The following LIG3 variants were observed in gnomAD, a reference collection of about 807,000 sequenced individuals.
LIG3 encodes DNA ligase 3, also known as ligase II, DNA, ATP-dependent.
LIG3 carries 58 observed loss-of-function variants against 110.9 expected under a neutral mutation model. That is an observed-to-expected ratio of 0.52 (90% CI 0.42 to 0.65). The LOEUF is 0.65. LIG3 is among the 30% of genes least tolerant of loss of function. LIG3 has a pLI of 0.00. For missense variants in LIG3, 1,094 were observed against 1,273.8 expected (o/e 0.86, Z 2.15); for synonymous variants, 422 against 472.8 (o/e 0.89, Z 1.39).
chr17:35,005,096 T>TCC lies in LIG3; in HGVS notation c.*593_*594dup. On this transcript the variant is annotated 3_prime_UTR_variant, in exon 20 of 20. Coordinates refer to ENST00000378526, the MANE Select transcript of LIG3 (RefSeq NM_013975.4). ...GTGTTCTCCTATTACATGGTGAGGA[T>TCC]CCCCAGTTTGAAGGGAGGGGACTAG... 5.9e-6 allele frequency: 2 copies of TCC among 339,546 alleles called. No homozygotes were observed. The highest frequency in any genetic ancestry group is 1.5e-4 in the East Asian group (2 of 13,512). The allele number at this position is 339,546 out of a possible 1,614,324, so 21.0% of individuals were successfully genotyped here.
Position 34,983,037 on chromosome 17 carries a change from A to G in LIG3, c.32A>G (p.Gln11Arg). The G allele has an allele frequency of 6.3e-7, 1 of 1,599,562 alleles. No homozygotes were observed. The highest frequency in any genetic ancestry group is 8.5e-7 in the Non-Finnish European group (1 of 1,172,736). Reference sequence around the variant, plus strand: ...TTGGCTTTCAAGATCTTCTTTCCACAAACCCTCCGTGCACTCAGCCGAAAA... The same window carrying G: ...TTGGCTTTCAAGATCTTCTTTCCACGAACCCTCCGTGCACTCAGCCGAAAA... MSLAFKIFFP[Q>R]TLRALSRKEL... Residue 11 changes from glutamine (Q) to arginine (R), a missense_variant, in exon 2 of 20, where the codon CAA becomes CGA. By Grantham distance (43) the Gln-to-Arg change is conservative. Coordinates refer to ENST00000378526, the MANE Select transcript of LIG3 (RefSeq NM_013975.4).
intron 19 of LIG3, 79 bp from the exon 20 acceptor site, chr17:35,004,194 T>C (rs1442928488): frequency 1.3e-5 from 13 of 1,026,798 alleles, no homozygotes; most frequent in Non-Finnish European, 1.6e-5. Flanking sequence ...TCCCTCATTC[T>C]GTCCCGTGCT....
chr17:34,990,836 A>C (rs1037149820), intron 4 of LIG3, 127 bp from the exon 5 acceptor site: 5 of 800,022 alleles, frequency 6.2e-6, no homozygotes, highest in Non-Finnish European at 9.8e-6. Flanking sequence ...AGCTTAAGCA[A>C]TTCTCCTGCT....
intron 3 of LIG3, among the ~76,000 whole-genome samples, chr17:34,987,225 A>G (rs2090665869): frequency 6.6e-6 from 1 of 152,248 alleles, no homozygotes; most frequent in African/African-American, 2.4e-5. Context: ...ATAGGAGTTG[A>G]GAAGATCAGG....
At chr17:35,000,608 CTTTTTTTTTT>C (rs57663136) in intron 16 of LIG3, among the ~76,000 whole-genome samples, 2 of 80,420 alleles carry the variant, frequency 2.5e-5, no homozygotes, top group East Asian at 3.5e-4. Flanking sequence ...TTGGGAGATA[CTTTTTTTTTT>C]TTTTTTTTTT....
At chr17:34,992,451 AG>A in intron 7 of LIG3, 72 bp from the exon 8 acceptor site, 1 of 1,431,388 alleles carries the variant, frequency 7.0e-7, no homozygotes, top group Non-Finnish European at 9.5e-7. Context: ...CTGTGAGGAC[AG>A]ATTGCTGTCC....
At chr17:34,984,905 G>A (rs2090640004) in intron 2 of LIG3, among the ~76,000 whole-genome samples, 1 of 151,998 alleles carries the variant, frequency 6.6e-6, no homozygotes, top group Admixed American at 6.6e-5. Flanking sequence ...AGCCTCCCAA[G>A]TAGCTGGGAC....
intron 11 of LIG3, 32 bp from the exon 12 acceptor site, chr17:34,997,706 C>A: frequency 6.6e-7 from 1 of 1,523,522 alleles, no homozygotes; most frequent in Non-Finnish European, 9.1e-7. Context: ...GGGAGGATCC[C>A]GGCCTAACCT....
chr17:35,001,207 C>G lies in LIG3; in HGVS notation c.2332-50C>G, dbSNP rs755063006. Reference sequence around the variant, plus strand: ...AGGCTTGAGCCACCACGCCCGGCCACTGATACTATCTTCTTAACCAGTGAT... The same window carrying G: ...AGGCTTGAGCCACCACGCCCGGCCAGTGATACTATCTTCTTAACCAGTGAT... On this transcript the variant is annotated intron_variant, in intron 16 of 19. Coordinates refer to ENST00000378526, the MANE Select transcript of LIG3 (RefSeq NM_013975.4). The G allele has an allele frequency of 2.5e-6, 4 of 1,594,076 alleles. No individual in the cohort carries two copies. In the South Asian group the frequency reaches 4.4e-5, roughly 18 times the overall value.
chr17:34,998,376 A>G, intron 13 of LIG3, 80 bp downstream of exon 13: 2 of 1,333,552 alleles, frequency 1.5e-6, no homozygotes, highest in Non-Finnish European at 2.1e-6. Flanking sequence ...TGACCAGGAG[A>G]TGGCGGTGGC....
At chr17:34,993,177 G>A (rs553559802) in intron 8 of LIG3, among the ~76,000 whole-genome samples, 1 of 152,336 alleles carries the variant, frequency 6.6e-6, no homozygotes, top group South Asian at 2.1e-4. Flanking sequence ...GGCTGACTCT[G>A]ACAGACATCA....
chr17:34,985,020 C>T (rs2090641262), intron 2 of LIG3, among the ~76,000 whole-genome samples: 1 of 152,158 alleles, frequency 6.6e-6, no homozygotes, highest in Admixed American at 6.5e-5. Context: ...TCAAGTGATC[C>T]ACCCACCTTG....
At chr17:35,001,154 C>A (rs112328436) in intron 16 of LIG3, 103 bp from the exon 17 acceptor site, 4 of 1,235,778 alleles carry the variant, frequency 3.2e-6, no homozygotes. Flanking sequence ...AATCTGCCCA[C>A]CTCAGCCTTC....
chr17:34,989,190 T>G (rs2090690787), intron 3 of LIG3, among the ~76,000 whole-genome samples: 1 of 152,134 alleles, frequency 6.6e-6, no homozygotes, highest in South Asian at 2.1e-4. Flanking sequence ...TTCAGTAAAG[T>G]GCTCACATAA....
chr17:34,983,268 T>A lies in LIG3; in HGVS notation c.263T>A (p.Met88Lys), dbSNP rs2090622977. ...GGACTCTGCAGTGGCCCCTGTGAGA[T>A]GGCTGAGCAACGGTTCTGTGTGGAC... ...HVGLCSGPCE[M>K]AEQRFCVDYA... The change falls in exon 2 of 20, where the codon ATG becomes AAG. Residue 88 changes from methionine (M) to lysine (K), a missense_variant. Transcript: ENST00000378526. The A allele has an allele frequency of 6.2e-7, 1 of 1,614,246 alleles. No homozygotes were observed. The highest frequency in any genetic ancestry group is 8.5e-7 in the Non-Finnish European group (1 of 1,180,044).
chr17:34,981,143 T>C (rs2090586416), intron 1 of LIG3: 1 of 152,328 alleles, frequency 6.6e-6, no homozygotes, highest in Admixed American at 6.5e-5. Context: ...GCCCCTGGGC[T>C]GCGGCAGTTG....
chr17:35,004,191 TTC>T (rs2090874478), intron 19 of LIG3, 80 bp from the exon 20 acceptor site: 1 of 1,008,206 alleles, frequency 9.9e-7, no homozygotes, highest in African/African-American at 1.6e-5. Context: ...GGCTCCCTCA[TTC>T]TGTCCCGTGC....
chr17:34,991,991 G>T lies in LIG3; in HGVS notation c.1242G>T (p.Arg414Ser). 1.2e-6 allele frequency: 2 copies of T among 1,614,088 alleles called. No homozygotes were observed. ...CTANDLKCII[R>S]LIKHDLKMNS... ...CCAATGACCTTAAATGCATCATCAG[G>T]TTGATCAAACATGATCTGAAGATGA... Residue 414 changes from arginine to serine, a missense_variant, in exon 7 of 20, where the codon AGG becomes AGT. Transcript: ENST00000378526.
chr17:34,998,688 C>G lies in LIG3; in HGVS notation c.2074C>G (p.Leu692Val), dbSNP rs755613628. Residue 692 changes from leucine (L) to valine (V), a missense_variant, in exon 14 of 20, where the codon CTG (leucine) becomes GTG (valine). Leu to Val is a conservative substitution (Grantham distance 32). Transcript: ENST00000378526. Reference protein sequence around the residue: ...NEGAMADTADLVVLGAFYGQG... With the variant: ...NEGAMADTADVVVLGAFYGQG... ...GGGGGCCATGGCCGACACAGCTGACCTGGTGGTCCTTGGAGCCTTCTATGG... is the reference window on the plus strand; with the variant it reads ...GGGGGCCATGGCCGACACAGCTGACGTGGTGGTCCTTGGAGCCTTCTATGG... 2 of 1,614,176 alleles carry G rather than the reference C, an allele frequency of 1.2e-6. No homozygotes were observed. Among genetic ancestry groups the G allele is most frequent in the Non-Finnish European group, 1.7e-6 (2 of 1,180,018 alleles).
Sources: allele counts gnomAD v4.1 joint callset (sites outside exome capture counted in the v4.1 genomes callset), GRCh38; gene constraint gnomAD v4.1.1; transcripts MANE v1.5; gene names NCBI Gene and HGNC (gene_info 2026-07-23, HGNC 2026-07-21).